ZDHHC17: variants seen among roughly 807,000 people sequenced by gnomAD.
The protein encoded by ZDHHC17 is zDHHC palmitoyltransferase 17, also known as palmitoyltransferase ZDHHC17.
Under a neutral mutation model 90.3 loss-of-function variants are expected in ZDHHC17, and 40 were observed. That is an observed-to-expected ratio of 0.44 (90% CI 0.34 to 0.58). ZDHHC17 has a LOEUF of 0.58. Ranked by LOEUF, ZDHHC17 falls within the 20% of genes least tolerant of loss-of-function variation. The pLI, the probability that ZDHHC17 is intolerant of heterozygous loss-of-function variation, is 0.01. For synonymous variants in ZDHHC17, 235 were observed against 252.4 expected, an observed-to-expected ratio of 0.93 and a Z score of 0.65; for missense variants, 614 against 780.8, an observed-to-expected ratio of 0.79 and a Z score of 2.55.
intron 9 of ZDHHC17, among the ~76,000 whole-genome samples, chr12:76,827,490 C>T (rs892779954): frequency 1.8e-4 from 28 of 152,016 alleles, no homozygotes; most frequent in Non-Finnish European, 3.4e-4. Context: ...GTTGTGAAGT[C>T]GGCTGAGTTT....
At chr12:76,825,228 A>G (rs908491242) in intron 8 of ZDHHC17, among the ~76,000 whole-genome samples, 50 of 152,222 alleles carry the variant, frequency 3.3e-4, no homozygotes, top group Non-Finnish European at 7.3e-5. Flanking sequence ...TTGGGGGACA[A>G]AGGATATTTA....
intron 10 of ZDHHC17, among the ~76,000 whole-genome samples, chr12:76,830,801 G>A (rs935230861): frequency 7.2e-5 from 11 of 152,168 alleles, no homozygotes; most frequent in African/African-American, 2.2e-4. Context: ...GTGGCAAGAA[G>A]CAGGAAAATC....
chr12:76,798,689 G>A (rs1274334345), intron 2 of ZDHHC17, among the ~76,000 whole-genome samples: 2 of 152,156 alleles, frequency 1.3e-5, no homozygotes, highest in South Asian at 2.1e-4. Context: ...GAAGCATAGC[G>A]GCTTCTGCTT....
At chr12:76,828,299 T>G (rs1439743174) in intron 9 of ZDHHC17, 91 bp from the exon 10 acceptor site, 16 of 1,112,804 alleles carry the variant, frequency 1.4e-5, no homozygotes, top group Admixed American at 2.6e-5. Context: ...CAATGCTTAC[T>G]ATACAAAATG....
At chr12:76,784,186 A>G (rs972914619) in intron 1 of ZDHHC17, among the ~76,000 whole-genome samples, 1 of 152,228 alleles carries the variant, frequency 6.6e-6, no homozygotes, top group Non-Finnish European at 1.5e-5. Context: ...ATTATGAAAA[A>G]ACTATACAGG....
chr12:76,846,417 G>C, intron 13 of ZDHHC17, 179 bp from the exon 14 acceptor site: 1 of 564,928 alleles, frequency 1.8e-6, no homozygotes. Flanking sequence ...GTAATTGCAA[G>C]CATTCTTATT....
At position 76,815,318 on chromosome 12, in the gene ZDHHC17, T is replaced by C. The variant is rs1953072721; in HGVS notation, c.608+108T>C. 8.1e-6 allele frequency: 5 copies of C among 615,990 alleles called. 1 individual carries two copies. The highest frequency in any genetic ancestry group is 1.3e-5 in the Non-Finnish European group (5 of 385,910). 38.2% of individuals were successfully genotyped at this position (615,990 alleles called of 1,614,324 possible). ...ACTATACTCACTAATATTTACAGTTTTTATTATGACTATAGTATATATAAA... is the reference window on the plus strand; with the variant it reads ...ACTATACTCACTAATATTTACAGTTCTTATTATGACTATAGTATATATAAA... On this transcript the variant is annotated intron_variant, in intron 6 of 16. Coordinates refer to ENST00000426126, the MANE Select transcript of ZDHHC17 (RefSeq NM_015336.4).
intron 1 of ZDHHC17, among the ~76,000 whole-genome samples, chr12:76,765,657 TC>T (rs1259905373): frequency 6.6e-6 from 1 of 152,256 alleles, no homozygotes; most frequent in Non-Finnish European, 1.5e-5. Context: ...ATTCATCTGT[TC>T]CTGTGAAAGT....
At chr12:76,841,395 AT>A (rs972197528) in intron 10 of ZDHHC17, among the ~76,000 whole-genome samples, 2 of 152,046 alleles carry the variant, frequency 1.3e-5, no homozygotes, top group African/African-American at 2.4e-5. Context: ...ACATTGCTGT[AT>A]TTTTTATAGT....
At chr12:76,845,996 CT>C (rs1487907873) in intron 13 of ZDHHC17, among the ~76,000 whole-genome samples, 194 bp downstream of exon 13, 2 of 152,072 alleles carry the variant, frequency 1.3e-5, no homozygotes, top group Non-Finnish European at 2.9e-5. Flanking sequence ...TGGCTGATAC[CT>C]TTTCTCTGTC....
intron 1 of ZDHHC17, chr12:76,781,743 C>T: frequency 2.2e-6 from 1 of 452,194 alleles, no homozygotes; most frequent in South Asian, 1.6e-5. Context: ...GTTATAGCAA[C>T]ACAAAATGGA....
intron 14 of ZDHHC17, 131 bp from the exon 15 acceptor site, chr12:76,848,101 AT>A (rs1162582887): frequency 2.3e-6 from 2 of 857,058 alleles, no homozygotes; most frequent in African/African-American, 3.4e-5. Flanking sequence ...GTATAAAGAC[AT>A]TTGCTATTGA....
chr12:76,771,124 T>G (rs1334670117), intron 1 of ZDHHC17, among the ~76,000 whole-genome samples: 1 of 152,124 alleles, frequency 6.6e-6, no homozygotes, highest in African/African-American at 2.4e-5. Context: ...ATTTTGGAAT[T>G]TGAAAAATAA....
chr12:76,766,358 A>G (rs1206969703), intron 1 of ZDHHC17, among the ~76,000 whole-genome samples: 1 of 152,208 alleles, frequency 6.6e-6, no homozygotes, highest in Non-Finnish European at 1.5e-5. Flanking sequence ...TAGTGTGTGC[A>G]GCTGGTGCAG....
chr12:76,804,260 GATTA>G (rs1255858704), intron 2 of ZDHHC17, among the ~76,000 whole-genome samples: 5 of 152,174 alleles, frequency 3.3e-5, no homozygotes, highest in Admixed American at 6.5e-5. Flanking sequence ...CTAGCACAGA[GATTA>G]ATTAAGACAG....
intron 8 of ZDHHC17, among the ~76,000 whole-genome samples, chr12:76,826,118 C>A (rs1323661359): frequency 6.6e-6 from 1 of 152,152 alleles, no homozygotes; most frequent in Non-Finnish European, 1.5e-5. Flanking sequence ...CATGCCCTGC[C>A]TTGAATATCT....
In ZDHHC17 at chr12:76,850,894, G is replaced by A; in HGVS notation, c.1808G>A (p.Cys603Tyr). Residue 603 changes from cysteine (C) to tyrosine (Y), a missense_variant, in exon 17 of 17, where the codon TGT (cysteine) becomes TAT (tyrosine). Physicochemically the swap from Cys to Tyr is radical, Grantham distance 194 (BLOSUM62 -2). Coordinates refer to ENST00000426126, the MANE Select transcript of ZDHHC17 (RefSeq NM_015336.4). ...NIIDFFEFRC[C>Y]GLFRPVIVDW... The stretch of plus-strand genomic sequence containing the variant: ...ATAGACTTCTTTGAATTTCGATGCT[G>A]TGGCCTCTTTCGTCCTGTTATCGTG... 1 of 1,613,950 alleles carries A rather than the reference G, an allele frequency of 6.2e-7. No homozygotes were observed. Among genetic ancestry groups the A allele is most frequent in the Non-Finnish European group, 8.5e-7 (1 of 1,179,872 alleles).
In ZDHHC17 at chr12:76,797,435, A is replaced by G. The variant is rs1471474233; in HGVS notation, c.95A>G (p.Glu32Gly). 1 of 1,591,760 alleles carries G rather than the reference A, an allele frequency of 6.3e-7. No individual in the cohort carries two copies. The highest frequency in any genetic ancestry group is 1.8e-5 in the Admixed American group (1 of 55,418). ...AGCVPLLHPE[E>G]IKPQSHYNHG... ...TGTGTGTGATTTTCTTTTTAACAGG[A>G]AATCAAACCCCAAAGCCATTATAAC... The change falls in exon 2 of 17, where the codon GAA becomes GGA. Residue 32 changes from glutamate (E) to glycine (G), a missense_variant and splice_region_variant. Physicochemically the swap from Glu to Gly is moderately conservative, Grantham distance 98. This residue lies in a region of ZDHHC17 where 358 missense variants were observed against 380.4 expected (regional missense o/e 0.94). Coordinates refer to ENST00000426126, the MANE Select transcript of ZDHHC17 (RefSeq NM_015336.4).
At chr12:76,800,534 G>A (rs1338763650) in intron 2 of ZDHHC17, among the ~76,000 whole-genome samples, 1 of 152,132 alleles carries the variant, frequency 6.6e-6, no homozygotes, top group Non-Finnish European at 1.5e-5. Flanking sequence ...TAGGTTAAAT[G>A]TTCAATGCTT....
Sources: gnomAD v4.1 joint callset for allele counts (sites outside exome capture counted in the v4.1 genomes callset) on GRCh38, gnomAD v4.1.1 for gene constraint, gnomAD v4.1.1 regional missense constraint, MANE v1.5 for transcripts, NCBI Gene and HGNC (gene_info 2026-07-23, HGNC 2026-07-21) for gene names.